Variants in FLNB observed in about 807,000 individuals in gnomAD.
The protein encoded by FLNB is filamin-B.
A neutral mutation model predicts 250.6 loss-of-function variants in FLNB; 111 were observed. The ratio of observed to expected loss-of-function variants is 0.44; its 90% CI spans 0.38 to 0.52. The LOEUF is 0.52. FLNB is among the 20% of genes least tolerant of loss of function. FLNB has a pLI of 0.00. For missense variants in FLNB, 2,869 were observed against 3,447.8 expected (o/e 0.83, Z 4.20); for synonymous variants, 1,302 against 1,372.1 (o/e 0.95, Z 1.13).
At chr3:58,102,068 C>T (rs1559693545) in intron 8 of FLNB, 135 bp from the exon 9 acceptor site, 3 of 913,000 alleles carry the variant, frequency 3.3e-6, no homozygotes, top group Non-Finnish European at 5.2e-6. Context: ...AGTGGGACCC[C>T]TGGTCTTGGG....
chr3:58,169,717 G>T lies in FLNB; in HGVS notation c.7545G>T (p.Val2515=), dbSNP rs1362812992. The change falls in exon 45 of 46, where the codon GTG becomes GTT. Residue 2515 remains valine, a synonymous_variant. Transcript: ENST00000295956. This position sits in a 1 kb window ranked among gnomAD's most constrained non-coding sequence, Gnocchi z 4.8. ...IPKASSDASK[V]TSKGAGLSKA... Reference sequence around the variant, plus strand: ...AGGCATCCTCGGACGCCAGCAAGGTGACCTCTAAGGGGGCAGGGCTCTCAA... The same window carrying T: ...AGGCATCCTCGGACGCCAGCAAGGTTACCTCTAAGGGGGCAGGGCTCTCAA... 6.2e-7 allele frequency: 1 copy of T among 1,613,958 alleles called. No homozygotes were observed.
chr3:58,145,447 C>T (rs1042493727), intron 32 of FLNB, among the ~76,000 whole-genome samples: 7 of 152,056 alleles, frequency 4.6e-5, no homozygotes, highest in African/African-American at 9.7e-5. Flanking sequence ...GATGTGCACC[C>T]GAACACTGCA....
intron 26 of FLNB, among the ~76,000 whole-genome samples, chr3:58,133,414 T>C (rs1286175979): frequency 1.1e-5 from 1 of 94,600 alleles, no homozygotes; most frequent in Non-Finnish European, 1.9e-5. Flanking sequence ...CTGGGCAACA[T>C]AGACCCTCCC....
chr3:58,159,377 G>C (rs936731113), intron 41 of FLNB, among the ~76,000 whole-genome samples, 177 bp from the exon 42 acceptor site: 2 of 152,156 alleles, frequency 1.3e-5, no homozygotes, highest in Non-Finnish European at 2.9e-5. Context: ...GCAGATGCAC[G>C]TCTCTGCTAT....
At chr3:58,050,846 A>C (rs1418566389) in intron 1 of FLNB, among the ~76,000 whole-genome samples, 1 of 152,198 alleles carries the variant, frequency 6.6e-6, no homozygotes, top group Non-Finnish European at 1.5e-5. Flanking sequence ...CTTCTGGGCA[A>C]ATAGGCCTCT....
chr3:58,138,149 A>C (rs897998997), intron 28 of FLNB, 133 bp from the exon 29 acceptor site: 8 of 1,145,522 alleles, frequency 7.0e-6, no homozygotes, highest in Non-Finnish European at 1.0e-5. Context: ...GATCTTTGGG[A>C]TATCCCTCTG....
chr3:58,122,280 G>A (rs1002038348), intron 20 of FLNB, among the ~76,000 whole-genome samples: 2 of 151,922 alleles, frequency 1.3e-5, no homozygotes, highest in African/African-American at 4.8e-5. Flanking sequence ...ATAACTTGAG[G>A]TCAGGAGTTT....
Position 58,109,330 on chromosome 3 carries a change from G to T in FLNB, c.2199+8G>T, listed in dbSNP as rs1422407745. On this transcript the variant is annotated splice_region_variant and intron_variant, in intron 14 of 45. Transcript: ENST00000295956. The stretch of plus-strand genomic sequence containing the variant: ...CCGCACAGCCCCTACAGGGTAGGTT[G>T]TGAGGCAGAATCCTGGCTGTTTTAT... 3 of 1,612,188 alleles carry T rather than the reference G, an allele frequency of 1.9e-6. No individual in the cohort carries two copies. In the African/African-American group the frequency reaches 4.0e-5, roughly 22 times the overall value.
chr3:58,141,086 A>C (rs924549023), intron 29 of FLNB, among the ~76,000 whole-genome samples: 1 of 142,974 alleles, frequency 7.0e-6, no homozygotes, highest in Non-Finnish European at 1.5e-5. Flanking sequence ...CATCTCTACC[A>C]AAAAAAAAAA....
intron 1 of FLNB, among the ~76,000 whole-genome samples, chr3:58,011,069 C>T (rs1467932572): frequency 6.6e-6 from 1 of 152,186 alleles, no homozygotes; most frequent in Non-Finnish European, 1.5e-5. Context: ...CACATGCCAC[C>T]ACGCCCGGCT....
intron 1 of FLNB, among the ~76,000 whole-genome samples, chr3:58,052,134 C>T (rs1418365319): frequency 1.3e-5 from 2 of 152,142 alleles, no homozygotes; most frequent in African/African-American, 4.8e-5. Flanking sequence ...GTGATCCGCC[C>T]ACCTCGGCCT....
intron 24 of FLNB, among the ~76,000 whole-genome samples, chr3:58,129,209 G>GTGGT (rs2097302427): frequency 6.6e-6 from 1 of 152,202 alleles, no homozygotes; most frequent in African/African-American, 2.4e-5. Flanking sequence ...TAGGCCAGCT[G>GTGGT]TGGTTGGTTG....
intron 26 of FLNB, among the ~76,000 whole-genome samples, chr3:58,133,437 G>GAAAAAA (rs55916881): frequency 4.4e-5 from 3 of 67,612 alleles, no homozygotes; most frequent in Non-Finnish European, 7.2e-5. Context: ...GACATCTCTG[G>GAAAAAA]AAAAAAAAAA....
chr3:58,084,062 C>T (rs188123247), intron 4 of FLNB, among the ~76,000 whole-genome samples: 2 of 151,706 alleles, frequency 1.3e-5, no homozygotes, highest in Non-Finnish European at 2.9e-5. Context: ...CGTGGTGGTA[C>T]AAGCCTGTAG....
intron 1 of FLNB, among the ~76,000 whole-genome samples, chr3:58,071,054 C>G (rs2097193703): frequency 6.6e-6 from 1 of 151,168 alleles, no homozygotes; most frequent in African/African-American, 2.4e-5. Context: ...TCAAGCAATC[C>G]TCCTGCCTCA....
intron 32 of FLNB, 101 bp from the exon 33 acceptor site, chr3:58,145,820 G>A (rs1312030580): frequency 6.1e-6 from 9 of 1,464,248 alleles, no homozygotes; most frequent in South Asian, 3.4e-5. Context: ...CTTAGGAGGC[G>A]CCAGACCTGT....
chr3:58,130,452 T>C (rs1165691676), intron 24 of FLNB, among the ~76,000 whole-genome samples: 1 of 152,132 alleles, frequency 6.6e-6, no homozygotes, highest in African/African-American at 2.4e-5. Flanking sequence ...TTATGTAGGA[T>C]GTTAGAGTGA....
At chr3:58,055,159 T>G (rs899982114) in intron 1 of FLNB, among the ~76,000 whole-genome samples, 4 of 151,836 alleles carry the variant, frequency 2.6e-5, no homozygotes, top group Non-Finnish European at 5.9e-5. Flanking sequence ...CCCAGCTACT[T>G]GGGTGTCGAG....
In FLNB at chr3:58,149,979, A is replaced by T; in HGVS notation, c.6221A>T (p.Lys2074Ile). The T allele has an allele frequency of 6.2e-7, 1 of 1,614,232 alleles. No individual in the cohort carries two copies. Among genetic ancestry groups the T allele is most frequent in the Non-Finnish European group, 8.5e-7 (1 of 1,180,044 alleles). The change falls in exon 37 of 46, where the codon AAA (lysine) becomes ATA (isoleucine). Residue 2074 changes from lysine to isoleucine, a missense_variant. By Grantham distance (102) the Lys-to-Ile change is moderately radical. Coordinates refer to ENST00000295956, the MANE Select transcript of FLNB (RefSeq NM_001457.4). ...CCTGGGGTTTATATCGTCTCCACCAAATTCGCTGACGAGCACGTGCCTGGT... is the reference window on the plus strand; with the variant it reads ...CCTGGGGTTTATATCGTCTCCACCATATTCGCTGACGAGCACGTGCCTGGT... ...TVPGVYIVSTKFADEHVPGSP... is the reference protein window; with the variant it reads ...TVPGVYIVSTIFADEHVPGSP...
Sources: allele counts gnomAD v4.1 joint callset (sites outside exome capture counted in the v4.1 genomes callset), GRCh38; gene constraint gnomAD v4.1.1; non-coding constraint Gnocchi (gnomAD v3.1); transcripts MANE v1.5; gene names NCBI Gene and HGNC (gene_info 2026-07-23, HGNC 2026-07-21).